Variants in TLE1 observed in about 807,000 individuals in gnomAD.
TLE1 encodes the protein TLE family member 1, transcriptional corepressor, also known as transducin-like enhancer protein 1.
Under a neutral mutation model 89.8 loss-of-function variants are expected in TLE1, and 21 were observed. The ratio of observed to expected loss-of-function variants is 0.23; its 90% CI spans 0.17 to 0.34. The LOEUF (loss-of-function observed/expected upper bound fraction) is 0.34, where lower values mean the gene tolerates loss of function less well. TLE1 is among the 10% of genes least tolerant of loss of function. The pLI is 1.00. For missense variants in TLE1, 795 were observed against 1,031.2 expected (o/e 0.77, Z 3.14); for synonymous variants, 447 against 407.6 (o/e 1.10, Z -1.16).
At chr9:81,612,274 C>A in intron 12 of TLE1, 1 of 1,105,990 alleles carries the variant, frequency 9.0e-7, no homozygotes, top group Non-Finnish European at 1.1e-6. Flanking sequence ...AACCAAGGCA[C>A]AGGCACCAAG....
At chr9:81,662,635 T>C (rs1050758968) in intron 4 of TLE1, among the ~76,000 whole-genome samples, 4 of 150,156 alleles carry the variant, frequency 2.7e-5, no homozygotes, top group African/African-American at 7.4e-5. Flanking sequence ...GAGGCAGAGG[T>C]TGCAGTGAGC....
chr9:81,653,380 T>C (rs1829788122), intron 5 of TLE1, among the ~76,000 whole-genome samples: 1 of 152,180 alleles, frequency 6.6e-6, no homozygotes, highest in East Asian at 1.9e-4. Flanking sequence ...TAAAATACAA[T>C]AGTCTTGAGT....
chr9:81,632,076 C>T (rs374527572), intron 8 of TLE1, among the ~76,000 whole-genome samples: 28 of 151,416 alleles, frequency 1.8e-4, no homozygotes, highest in South Asian at 8.3e-4. Flanking sequence ...GGTGACAGAG[C>T]GAAGACTCCA....
intron 4 of TLE1, among the ~76,000 whole-genome samples, chr9:81,678,320 C>T (rs1833157890): frequency 6.6e-6 from 1 of 152,306 alleles, no homozygotes; most frequent in Middle Eastern, 3.4e-3. Flanking sequence ...AAAGATCCTC[C>T]TGCCTCACTC....
chr9:81,610,202 G>C lies in TLE1; in HGVS notation c.1331+18C>G. On this transcript the variant is annotated intron_variant, in intron 14 of 19. Coordinates refer to ENST00000376499, the MANE Select transcript of TLE1 (RefSeq NM_005077.5). ...GTAACCACCTTTAAAACAAAACCAAGGTCTTTGAGGTACTTACGGTTTCCC... is the reference window on the plus strand; with the variant it reads ...GTAACCACCTTTAAAACAAAACCAACGTCTTTGAGGTACTTACGGTTTCCC... 1.9e-6 allele frequency: 3 copies of C among 1,608,978 alleles called. No homozygotes were observed. Among genetic ancestry groups the C allele is most frequent in the South Asian group, 1.1e-5 (1 of 90,430 alleles).
At chr9:81,598,918 G>A (rs1830549125) in intron 14 of TLE1, among the ~76,000 whole-genome samples, 1 of 152,120 alleles carries the variant, frequency 6.6e-6, no homozygotes, top group Admixed American at 6.6e-5. Context: ...CTGCATCTGG[G>A]CCCTGGAAAG....
At chr9:81,614,774 G>A (rs1824199622) in intron 11 of TLE1, among the ~76,000 whole-genome samples, 1 of 152,020 alleles carries the variant, frequency 6.6e-6, no homozygotes. Context: ...TTCCCCTGGG[G>A]CCTCCTTTGT....
intron 8 of TLE1, among the ~76,000 whole-genome samples, chr9:81,632,360 C>T (rs1288825638): frequency 2.0e-5 from 3 of 151,118 alleles, no homozygotes; most frequent in African/African-American, 7.3e-5. Flanking sequence ...GTCTCAAAGA[C>T]AATTTTAAAA....
chr9:81,654,273 T>A (rs1283047691), intron 4 of TLE1, among the ~76,000 whole-genome samples: 1 of 152,180 alleles, frequency 6.6e-6, no homozygotes, highest in African/African-American at 2.4e-5. Flanking sequence ...GTAGTTTGAT[T>A]GAGTTGGAAA....
At chr9:81,602,894 A>T (rs2131957972) in intron 14 of TLE1, among the ~76,000 whole-genome samples, 2 of 152,254 alleles carry the variant, frequency 1.3e-5, no homozygotes, top group South Asian at 4.1e-4. Flanking sequence ...CTCAGATGTC[A>T]GAGGGAATGG....
chr9:81,633,008 T>C (rs1339509113), intron 8 of TLE1, among the ~76,000 whole-genome samples: 3 of 152,168 alleles, frequency 2.0e-5, no homozygotes, highest in Non-Finnish European at 4.4e-5. Context: ...CAACCAGACT[T>C]AGAATGCAAC....
intron 4 of TLE1, among the ~76,000 whole-genome samples, chr9:81,672,414 A>C (rs1251340251): frequency 2.0e-5 from 3 of 149,768 alleles, no homozygotes; most frequent in African/African-American, 7.4e-5. Context: ...GCTCACTGCA[A>C]CCTCCGCCTC....
intron 6 of TLE1, among the ~76,000 whole-genome samples, chr9:81,636,011 T>A (rs932399771): frequency 1.7e-4 from 26 of 152,042 alleles, no homozygotes; most frequent in Non-Finnish European, 3.2e-4. Context: ...AATAAATAAA[T>A]AAAAATGTCT....
At chr9:81,590,009 G>C (rs951186136) in intron 16 of TLE1, among the ~76,000 whole-genome samples, 1 of 152,220 alleles carries the variant, frequency 6.6e-6, no homozygotes, top group Non-Finnish European at 1.5e-5. Flanking sequence ...TGTGCAGCAT[G>C]AGAGGGGACT....
intron 6 of TLE1, among the ~76,000 whole-genome samples, chr9:81,651,213 G>C (rs1829486216): frequency 6.6e-6 from 1 of 152,218 alleles, no homozygotes; most frequent in Admixed American, 6.5e-5. Flanking sequence ...TGATAAATGA[G>C]TGATTTGAAT....
intron 14 of TLE1, chr9:81,600,119 A>G (rs2777781): frequency 1.9e-5 from 14 of 739,952 alleles, no homozygotes; most frequent in Middle Eastern, 2.3e-4. Context: ...CAAGGCTCCT[A>G]AACAGGACAA....
chr9:81,587,628 A>G (rs878985784), intron 17 of TLE1, 53 bp downstream of exon 17: 3 of 1,550,470 alleles, frequency 1.9e-6, no homozygotes, highest in Admixed American at 3.8e-5. Flanking sequence ...GAGGAGGAAG[A>G]CACACCCCAG....
intron 4 of TLE1, among the ~76,000 whole-genome samples, chr9:81,666,542 C>T (rs1831482308): frequency 6.6e-6 from 1 of 151,746 alleles, no homozygotes; most frequent in Non-Finnish European, 1.5e-5. Context: ...TCTGGGAGGC[C>T]GAGGCAGGCG....
chr9:81,624,253 A>G (rs113349275), intron 8 of TLE1, among the ~76,000 whole-genome samples: 2,635 of 152,300 alleles, frequency 0.017, 89 homozygotes, highest in African/African-American at 0.059. Context: ...AGAAACGTGT[A>G]ATTTTTAAAT....
Sources: gnomAD v4.1 joint callset for allele counts (sites outside exome capture counted in the v4.1 genomes callset) on GRCh38, gnomAD v4.1.1 for gene constraint, MANE v1.5 for transcripts, NCBI Gene and HGNC (gene_info 2026-07-23, HGNC 2026-07-21) for gene names.